The following SND1 variants were observed in gnomAD, a reference collection of about 807,000 sequenced individuals.
SND1 encodes staphylococcal nuclease and tudor domain containing 1.
In SND1, 38 loss-of-function variants were observed where a neutral mutation model predicts 121.7. That is an observed-to-expected ratio of 0.31 (90% CI 0.24 to 0.41). SND1 has a LOEUF of 0.41. Among genes scored for constraint, SND1 ranks in the 10% least tolerant of loss-of-function variants. The pLI is 1.00. For synonymous variants in SND1, 401 were observed against 447.4 expected (o/e 0.90, Z 1.31); for missense variants, 868 against 1,184.6 (o/e 0.73, Z 3.92).
At chr7:128,031,727 G>C (rs1484650557) in intron 16 of SND1, 1 of 145,424 alleles carries the variant, frequency 6.9e-6, no homozygotes, top group Non-Finnish European at 1.5e-5. Flanking sequence ...GGGGGCGGGC[G>C]CGGGTCCGGC....
intron 16 of SND1, among the ~76,000 whole-genome samples, chr7:128,025,544 C>T (rs1309733532): frequency 6.6e-6 from 1 of 152,172 alleles, no homozygotes; most frequent in Non-Finnish European, 1.5e-5. Context: ...GCTACCAACC[C>T]GTGTTCCATT....
chr7:127,918,084 A>G (rs1258723042), intron 14 of SND1, among the ~76,000 whole-genome samples: 4 of 144,702 alleles, frequency 2.8e-5, no homozygotes, highest in African/African-American at 1.0e-4. Context: ...TCTTTTTTAG[A>G]CAGAGTCTGA....
At chr7:127,738,642 A>G (rs1368890413) in intron 10 of SND1, among the ~76,000 whole-genome samples, 1 of 151,852 alleles carries the variant, frequency 6.6e-6, no homozygotes, top group Admixed American at 6.6e-5. Context: ...AGGAGGGGAG[A>G]AGACCCAAAT....
intron 12 of SND1, among the ~76,000 whole-genome samples, chr7:127,866,923 C>T (rs1488510147): frequency 6.6e-6 from 1 of 152,162 alleles, no homozygotes; most frequent in Non-Finnish European, 1.5e-5. Context: ...GACAGTTTCA[C>T]CTTCTTCTTT....
At chr7:128,032,547 C>G (rs954889971) in intron 16 of SND1, among the ~76,000 whole-genome samples, 4 of 151,836 alleles carry the variant, frequency 2.6e-5, no homozygotes, top group Admixed American at 6.6e-5. Flanking sequence ...GCCCTCCGGC[C>G]CGCACCCGGG....
chr7:127,995,976 C>G (rs1471422763), intron 16 of SND1, among the ~76,000 whole-genome samples: 1 of 152,014 alleles, frequency 6.6e-6, no homozygotes, highest in Non-Finnish European at 1.5e-5. Context: ...AAATGATGTC[C>G]TCATGCTGGA....
At chr7:127,798,399 T>C (rs1247010635) in intron 10 of SND1, among the ~76,000 whole-genome samples, 2 of 152,190 alleles carry the variant, frequency 1.3e-5, no homozygotes, top group Non-Finnish European at 2.9e-5. Flanking sequence ...ATTCCTGTCA[T>C]GGCCAGGTTG....
chr7:128,069,032 C>A (rs149087635), intron 16 of SND1, among the ~76,000 whole-genome samples: 3 of 152,218 alleles, frequency 2.0e-5, no homozygotes, highest in African/African-American at 7.2e-5. Context: ...CAGCACCCAC[C>A]GCTTTGGCCC....
At chr7:127,918,885 G>T (rs1000788668) in intron 14 of SND1, among the ~76,000 whole-genome samples, 7 of 152,138 alleles carry the variant, frequency 4.6e-5, no homozygotes, top group African/African-American at 1.7e-4. Flanking sequence ...TGAGTAAAAT[G>T]ATTGGGTTTT....
chr7:127,655,513 A>G (rs1319115369), intron 1 of SND1, among the ~76,000 whole-genome samples: 1 of 152,192 alleles, frequency 6.6e-6, no homozygotes, highest in East Asian at 1.9e-4. Context: ...TGATGGAAAA[A>G]CTTAAGATGG....
intron 9 of SND1, among the ~76,000 whole-genome samples, chr7:127,720,191 C>A (rs712720): frequency 0.94 from 143,754 of 152,278 alleles, 68,305 homozygotes; most frequent in Non-Finnish European, 1. Context: ...AAAAAAGAGT[C>A]TAGCTCCTTT....
At chr7:127,995,458 C>A (rs1443454224) in intron 16 of SND1, among the ~76,000 whole-genome samples, 1 of 152,218 alleles carries the variant, frequency 6.6e-6, no homozygotes, top group East Asian at 1.9e-4. Context: ...TAGCATCCCC[C>A]AGAAGTAGTG....
At chr7:127,654,340 A>G (rs970406723) in intron 1 of SND1, among the ~76,000 whole-genome samples, 1 of 152,224 alleles carries the variant, frequency 6.6e-6, no homozygotes, top group African/African-American at 2.4e-5. Flanking sequence ...TAGATGTGTA[A>G]TTTGAGGTTT....
At chr7:128,030,753 G>C in intron 16 of SND1, 1 of 1,333,602 alleles carries the variant, frequency 7.5e-7, no homozygotes, top group Non-Finnish European at 1.0e-6. Flanking sequence ...GGAGAAGGAG[G>C]TGGGGAGGGG....
At chr7:127,895,338 A>T (rs1019783093) in intron 13 of SND1, among the ~76,000 whole-genome samples, 2 of 152,108 alleles carry the variant, frequency 1.3e-5, no homozygotes, top group Admixed American at 6.6e-5. Flanking sequence ...CTCAAGCATC[A>T]TAGGAAGCGG....
intron 11 of SND1, among the ~76,000 whole-genome samples, chr7:127,833,653 A>G (rs1281253124): frequency 6.6e-6 from 1 of 152,076 alleles, no homozygotes; most frequent in African/African-American, 2.4e-5. Flanking sequence ...GTTATTTACT[A>G]ATGTGTGGGC....
At chr7:127,992,824 C>T (rs1037621375) in intron 16 of SND1, among the ~76,000 whole-genome samples, 3 of 152,302 alleles carry the variant, frequency 2.0e-5, no homozygotes, top group African/African-American at 7.2e-5. Flanking sequence ...GCCCAAAACT[C>T]TTTTACTCTC....
chr7:127,760,966 A>G (rs574205286), intron 10 of SND1, among the ~76,000 whole-genome samples: 2 of 152,350 alleles, frequency 1.3e-5, no homozygotes, highest in Middle Eastern at 3.4e-3. Flanking sequence ...GGTTTATATC[A>G]TAATCTTTAG....
In SND1 at chr7:127,822,411, A is replaced by G. The variant is rs552001734; in HGVS notation, c.1242+14838A>G. The stretch of plus-strand genomic sequence containing the variant: ...CAACTTTCCCGTAAAATTTTAGTCT[A>G]GTTTTCTCTATGGCCATAATTTTCC... On this transcript the variant is annotated intron_variant, in intron 11 of 23. Transcript: ENST00000354725. 4.6e-5 allele frequency among the ~76,000 whole-genome samples: 7 copies of G among 152,298 alleles called. No individual in the cohort carries two copies. In the East Asian group the frequency reaches 1.2e-3, roughly 25 times the overall value.
Sources: allele counts gnomAD v4.1 joint callset (sites outside exome capture counted in the v4.1 genomes callset), GRCh38; gene constraint gnomAD v4.1.1; transcripts MANE v1.5; gene names NCBI Gene and HGNC (gene_info 2026-07-23, HGNC 2026-07-21).